Variants in ACBD5 observed in about 807,000 individuals in gnomAD.
ACBD5 encodes the protein acyl-CoA-binding domain-containing protein 5.
ACBD5 carries 40 observed loss-of-function variants against 71.8 expected under a neutral mutation model. The ratio of observed to expected loss-of-function variants is 0.56; its 90% CI spans 0.43 to 0.72. The LOEUF is 0.72. ACBD5 is among the 30% of genes least tolerant of loss of function. ACBD5 has a pLI of 0.00. For synonymous variants in ACBD5, 229 were observed against 218.6 expected, an observed-to-expected ratio of 1.05 and a Z score of -0.42; for missense variants, 559 against 644.5, an observed-to-expected ratio of 0.87 and a Z score of 1.44.
In ACBD5 at chr10:27,197,240, T is replaced by C; in HGVS notation, c.*190A>G. 1 of 685,806 alleles carries C rather than the reference T, an allele frequency of 1.5e-6. No individual in the cohort carries two copies. Among genetic ancestry groups the C allele is most frequent in the Non-Finnish European group, 2.7e-6 (1 of 368,628 alleles). The allele number at this position is 685,806 out of a possible 1,614,324, so 42.5% of individuals were successfully genotyped here. A position where few individuals can be genotyped will look rare whatever the true frequency, so the allele number is the denominator to read the frequency against. On this transcript the variant is annotated 3_prime_UTR_variant, in exon 13 of 13. Transcript: ENST00000396271. ...ATTGATTATTCAAGTATCAGCAATA[T>C]TAGTCCTTAAAATGTTATCGTTTGT... is the stretch of plus-strand genomic sequence containing the variant.
chr10:27,237,224 A>G (rs1217790758), intron 2 of ACBD5, among the ~76,000 whole-genome samples: 1 of 150,896 alleles, frequency 6.6e-6, no homozygotes, highest in Non-Finnish European at 1.5e-5. Flanking sequence ...TATTAAAAAT[A>G]CAAAAACCGA....
Position 27,195,246 on chromosome 10 carries a change from G to T in ACBD5, c.*2184C>A. The T allele has an allele frequency of 2.4e-6, 1 of 412,786 alleles. No individual in the cohort carries two copies. The highest frequency in any genetic ancestry group is 4.7e-6 in the Non-Finnish European group (1 of 213,346). 25.6% of individuals were successfully genotyped at this position (412,786 alleles called of 1,614,324 possible). ...TCATTAACCTTTTATTTTTAACTTA[G>T]TTTTACAATAAACAGAAAAGAAGTT... On this transcript the variant is annotated 3_prime_UTR_variant, in exon 13 of 13. Transcript: ENST00000396271.
chr10:27,197,446 TA>T lies in ACBD5; in HGVS notation c.1566-5del. 2 of 1,604,998 alleles carry T rather than the reference TA, an allele frequency of 1.2e-6. No individual in the cohort carries two copies. Among genetic ancestry groups the T allele is most frequent in the East Asian group, 4.5e-5 (2 of 44,650 alleles). On this transcript the variant is annotated splice_region_variant and splice_polypyrimidine_tract_variant and intron_variant, in intron 12 of 12. Coordinates refer to ENST00000396271, the MANE Select transcript of ACBD5 (RefSeq NM_145698.5). ...CCATTTTCCTCAGTTCAGTTTTCTT[TA>T]AAAAGAAAATAAAAACCAATTTCCT... is the stretch of plus-strand genomic sequence containing the variant.
chr10:27,218,301 C>T, intron 6 of ACBD5, 118 bp from the exon 7 acceptor site: 1 of 855,476 alleles, frequency 1.2e-6, no homozygotes, highest in Non-Finnish European at 1.9e-6. Flanking sequence ...TGAAGGGTTT[C>T]CTACTTGGAT....
In ACBD5 at chr10:27,186,622, G is replaced by A. The variant is rs376869022; in HGVS notation, c.1494-3907C>T. The A allele has an allele frequency of 7.5e-6, 9 of 1,201,326 alleles. No homozygotes were observed. In the African/African-American group the frequency reaches 1.3e-4, roughly 18 times the overall value. 74.4% of individuals were successfully genotyped at this position (1,201,326 alleles called of 1,614,324 possible). A position where few individuals can be genotyped will look rare whatever the true frequency, so the allele number is the denominator to read the frequency against. ...CTCCTTAATACTAGATTGATCTAAG[G>A]GGGAAAGATCATTATTTAACCTAGT... On this transcript the variant is annotated intron_variant, in intron 13 of 13. Transcript: ENST00000676511.
chr10:27,192,553 A>G (rs1340586374), downstream of ACBD5, among the ~76,000 whole-genome samples: 1 of 152,174 alleles, frequency 6.6e-6, no homozygotes, highest in Non-Finnish European at 1.5e-5. Flanking sequence ...GAATCACTGG[A>G]TTCTCGTGGA....
chr10:27,205,145 C>A, intron 11 of ACBD5, 53 bp downstream of exon 11: 2 of 1,560,810 alleles, frequency 1.3e-6, no homozygotes, highest in Middle Eastern at 2.1e-4. Context: ...ACAAAAACAA[C>A]AACAAAAAAC....
At chr10:27,199,212 G>A (rs190894295) in intron 12 of ACBD5, among the ~76,000 whole-genome samples, 130 of 149,784 alleles carry the variant, frequency 8.7e-4, no homozygotes, top group African/African-American at 3.1e-3. Flanking sequence ...TTTTTGAGAT[G>A]GAGTCTCGCT....
At chr10:27,185,341 G>C (rs1463836721) in intron 13 of ACBD5, among the ~76,000 whole-genome samples, 1 of 151,950 alleles carries the variant, frequency 6.6e-6, no homozygotes, top group African/African-American at 2.4e-5. Flanking sequence ...TCTTTAACAA[G>C]ATGCAGGCAG....
Position 27,215,550 on chromosome 10 carries a change from T to C in ACBD5, c.921A>G (p.Gln307=), listed in dbSNP as rs1456228422. Residue 307 remains glutamine (Q), a synonymous_variant, in exon 8 of 13, where the codon CAA becomes CAG. Transcript: ENST00000396271. ...TCATTTTTACCTCTTCTTGTCCAAATTGTTCCATAGAATCACAGTAAACTT... is the reference window on the plus strand; with the variant it reads ...TCATTTTTACCTCTTCTTGTCCAAACTGTTCCATAGAATCACAGTAAACTT... The part of the protein sequence containing the change: ...DSEVYCDSME[Q]FGQEESLDSF... 6.2e-7 allele frequency: 1 copy of C among 1,612,584 alleles called. No homozygotes were observed. The highest frequency in any genetic ancestry group is 8.5e-7 in the Non-Finnish European group (1 of 1,179,114).
intron 9 of ACBD5, among the ~76,000 whole-genome samples, chr10:27,209,186 A>G (rs910461005): frequency 1.3e-5 from 2 of 152,000 alleles, no homozygotes; most frequent in Non-Finnish European, 2.9e-5. Flanking sequence ...TGGACTCCCA[A>G]ACTGCTGTGG....
At chr10:27,194,612 AAAT>A (rs60916474), downstream of ACBD5, among the ~76,000 whole-genome samples, 576 of 135,576 alleles carry the variant, frequency 4.2e-3, 3 homozygotes, top group East Asian at 0.014. Context: ...ACTCCATCTC[AAAT>A]AATAATAATA....
rs564690205 is a variant in ACBD5, at chr10:27,226,918, TGCTGGGATTACTA to T, written c.376-3479_376-3467del. Among the ~76,000 whole-genome samples the T allele has an allele frequency of 1.6e-3, 243 of 151,380 alleles. 2 individuals carry two copies. Among genetic ancestry groups the T allele is most frequent in the African/African-American group, 5.4e-3 (224 of 41,272 alleles). On this transcript the variant is annotated intron_variant, in intron 4 of 12. Coordinates refer to ENST00000396271, the MANE Select transcript of ACBD5 (RefSeq NM_145698.5). ...ATCCACCCACCTCGGCCTCCCAAAG[TGCTGGGATTACTA>T]GCTGGGATTACTAGTGTGAGCCACT...
At chr10:27,188,598 A>G (rs2058915102) in intron 13 of ACBD5, among the ~76,000 whole-genome samples, 1 of 152,248 alleles carries the variant, frequency 6.6e-6, no homozygotes, top group Non-Finnish European at 1.5e-5. Context: ...CATATTCCCA[A>G]TGCACAAGAC....
chr10:27,204,615 C>T lies in ACBD5; in HGVS notation c.1456-66G>A, dbSNP rs1051754106. 12 of 1,121,786 alleles carry T rather than the reference C, an allele frequency of 1.1e-5. No individual in the cohort carries two copies. In the South Asian group the frequency reaches 1.4e-4, roughly 13 times the overall value. The allele number at this position is 1,121,786 out of a possible 1,614,324, so 69.5% of individuals were successfully genotyped here. The stretch of plus-strand genomic sequence containing the variant: ...CTGCATGTATAAACTTAAAAACATA[C>T]CTAATTCATAATTTTGAAAGTAGAA... On this transcript the variant is annotated intron_variant, in intron 11 of 12. Coordinates refer to ENST00000396271, the MANE Select transcript of ACBD5 (RefSeq NM_145698.5).
In ACBD5 at chr10:27,210,834, G is replaced by C. The variant is rs144318021; in HGVS notation, c.1184C>G (p.Ser395Cys). ...EKRGGETDEF[S>C]NVRRGRGHRM... ...CACACCTCTTCCTCTTCTAACATTA[G>C]AGAATTCGTCAGTTTCTCCGCCTCG... The change falls in exon 9 of 13, where the codon TCT (serine) becomes TGT (cysteine). Residue 395 changes from serine (S) to cysteine (C), a missense_variant. Coordinates refer to ENST00000396271, the MANE Select transcript of ACBD5 (RefSeq NM_145698.5). 45 of 1,614,020 alleles carry C rather than the reference G, an allele frequency of 2.8e-5. No homozygotes were observed. Among genetic ancestry groups the C allele is most frequent in the Non-Finnish European group, 3.6e-5 (43 of 1,180,018 alleles).
At chr10:27,204,673 AAAG>A in intron 11 of ACBD5, 124 bp from the exon 12 acceptor site, 1 of 721,694 alleles carries the variant, frequency 1.4e-6, no homozygotes, top group South Asian at 1.5e-5. Flanking sequence ...ACTCCTGCTG[AAAG>A]AAGAAAGATA....
chr10:27,238,147 G>A (rs1293445877), intron 2 of ACBD5, among the ~76,000 whole-genome samples: 1 of 151,734 alleles, frequency 6.6e-6, no homozygotes, highest in African/African-American at 2.4e-5. Flanking sequence ...GGGTTTCACC[G>A]TATTAGCCAG....
intron 4 of ACBD5, among the ~76,000 whole-genome samples, chr10:27,226,591 G>A (rs2063057051): frequency 6.6e-6 from 1 of 151,202 alleles, no homozygotes; most frequent in South Asian, 2.1e-4. Context: ...GGCAGCATGT[G>A]GCCCAAGACG....
Sources: gnomAD v4.1 joint callset for allele counts (sites outside exome capture counted in the v4.1 genomes callset) on GRCh38, gnomAD v4.1.1 for gene constraint, MANE v1.5 for transcripts, NCBI Gene and HGNC (gene_info 2026-07-23, HGNC 2026-07-21) for gene names.